Variants in RCAN2 observed in about 807,000 individuals in gnomAD.
RCAN2 encodes the protein calcipressin-2.
In RCAN2, 9 loss-of-function variants were observed where a neutral mutation model predicts 23.6. That is an observed-to-expected ratio of 0.38 (90% CI 0.23 to 0.67). RCAN2 has a LOEUF of 0.67. Ranked by LOEUF, RCAN2 falls within the 30% of genes least tolerant of loss-of-function variation. The probability of loss-of-function intolerance (pLI) is 0.51; values close to 1 mark genes in which losing one functional copy is unlikely to be tolerated. For synonymous variants in RCAN2, 109 were observed against 115.7 expected (o/e 0.94, Z 0.37); for missense variants, 273 against 302.3 (o/e 0.90, Z 0.72).
At chr6:46,224,715 G>T (rs546152433) in intron 4 of RCAN2, among the ~76,000 whole-genome samples, 1 of 152,238 alleles carries the variant, frequency 6.6e-6, no homozygotes, top group African/African-American at 2.4e-5. Context: ...CAGTGACAGG[G>T]CACTAATTAT....
rs1427227440 is a variant in RCAN2 at position 46,220,916 on chromosome 6, T to C, written c.*2225A>G. On this transcript the variant is annotated 3_prime_UTR_variant, in exon 5 of 5. Transcript: ENST00000371374. ...GCTGAGGCGATTCTGACTTTCACAG[T>C]GCTAGGAGGTTCCCTTGCAACACTT... The C allele has an allele frequency of 6.5e-6, 1 of 152,736 alleles. No individual in the cohort carries two copies. Among genetic ancestry groups the C allele is most frequent in the Non-Finnish European group, 1.5e-5 (1 of 68,040 alleles). 9.5% of individuals were successfully genotyped at this position (152,736 alleles called of 1,614,324 possible). A position where few individuals can be genotyped will look rare whatever the true frequency, so the allele number is the denominator to read the frequency against.
rs561775641 is a variant in RCAN2 at position 46,335,600 on chromosome 6, A to T, written c.226-86704T>A. ...GCAGTCTTGAGATGAGGGGGCAGGC[A>T]TCATCCTAAACCTTCCTCTTGAGGT... On this transcript the variant is annotated intron_variant, in intron 2 of 4. Transcript: ENST00000371374. 4.6e-5 allele frequency among the ~76,000 whole-genome samples: 7 copies of T among 152,318 alleles called. No individual in the cohort carries two copies. The East Asian group carries it at 1.4e-3, about 29-fold the overall frequency.
chr6:46,251,827 C>T (rs554046339), intron 2 of RCAN2, among the ~76,000 whole-genome samples: 72 of 152,230 alleles, frequency 4.7e-4, no homozygotes, highest in African/African-American at 1.5e-3. Flanking sequence ...CCAACTCCCA[C>T]CAAGTTAGAA....
intron 2 of RCAN2, among the ~76,000 whole-genome samples, chr6:46,384,081 GCCAGCAGCCTCCTATGAGGTT>G (rs1310146670): frequency 6.6e-6 from 1 of 152,172 alleles, no homozygotes; most frequent in African/African-American, 2.4e-5. Flanking sequence ...CCTTTCTGTT[GCCAGCAGCCTCCTATGAGGTT>G]CCAGGGCCCA....
chr6:46,279,827 T>C (rs750458831), intron 2 of RCAN2, among the ~76,000 whole-genome samples: 2 of 152,142 alleles, frequency 1.3e-5, no homozygotes, highest in African/African-American at 4.8e-5. Flanking sequence ...CTTCATAGGA[T>C]TGTTATGAGA....
At chr6:46,449,466 C>T (rs1287811502) in intron 2 of RCAN2, among the ~76,000 whole-genome samples, 1 of 150,830 alleles carries the variant, frequency 6.6e-6, no homozygotes, top group Non-Finnish European at 1.5e-5. Context: ...TAACAAAATT[C>T]CAATAACATT....
chr6:46,306,904 A>G (rs1763088925), intron 2 of RCAN2, among the ~76,000 whole-genome samples: 1 of 152,054 alleles, frequency 6.6e-6, no homozygotes, highest in East Asian at 1.9e-4. Flanking sequence ...TCATTTTATC[A>G]TGTCTCTCTT....
chr6:46,400,063 T>C (rs1385289365), intron 2 of RCAN2, among the ~76,000 whole-genome samples: 2 of 152,206 alleles, frequency 1.3e-5, no homozygotes, highest in African/African-American at 4.8e-5. Context: ...TGCAAATTCT[T>C]CCAGGCTCTG....
intron 2 of RCAN2, among the ~76,000 whole-genome samples, chr6:46,347,260 A>T (rs909271680): frequency 6.6e-6 from 1 of 152,222 alleles, no homozygotes; most frequent in Non-Finnish European, 1.5e-5. Context: ...CTTTCAAATT[A>T]ATCAGTCCTA....
intron 2 of RCAN2, among the ~76,000 whole-genome samples, chr6:46,430,370 A>G (rs1032929873): frequency 5.9e-5 from 9 of 152,184 alleles, no homozygotes; most frequent in South Asian, 2.1e-4. Flanking sequence ...GAATACAAGA[A>G]ATAATGGAAG....
intron 2 of RCAN2, among the ~76,000 whole-genome samples, chr6:46,439,128 C>G (rs1401885423): frequency 1.3e-5 from 2 of 152,206 alleles, no homozygotes; most frequent in African/African-American, 4.8e-5. Context: ...GGATTTTCCT[C>G]ACACTACAGA....
chr6:46,222,491 T>A lies in RCAN2; in HGVS notation c.*650A>T, dbSNP rs1011268412. ...CTTTGGGGCCAAGGTCAATTTTGCCTCCAGGAATTTCAACAGAGCTATGGT... is the reference window on the plus strand; with the variant it reads ...CTTTGGGGCCAAGGTCAATTTTGCCACCAGGAATTTCAACAGAGCTATGGT... On this transcript the variant is annotated 3_prime_UTR_variant, in exon 5 of 5. Transcript: ENST00000371374. The A allele has an allele frequency of 6.5e-6, 1 of 153,090 alleles. No homozygotes were observed. Among genetic ancestry groups the A allele is most frequent in the Admixed American group, 6.5e-5 (1 of 15,290 alleles). 9.5% of individuals were successfully genotyped at this position (153,090 alleles called of 1,614,324 possible).
chr6:46,250,466 C>T (rs538169108), intron 2 of RCAN2, among the ~76,000 whole-genome samples: 2 of 152,282 alleles, frequency 1.3e-5, no homozygotes, highest in African/African-American at 4.8e-5. Flanking sequence ...GATGGAGATG[C>T]ATGAAATATT....
chr6:46,439,978 G>C (rs1767484618), intron 2 of RCAN2, among the ~76,000 whole-genome samples: 1 of 152,278 alleles, frequency 6.6e-6, no homozygotes, highest in South Asian at 2.1e-4. Context: ...GTGGACTTCT[G>C]TTCCAAATTC....
chr6:46,458,885 A>ACGCGCGCG (rs57258359), intron 1 of RCAN2, among the ~76,000 whole-genome samples: 10 of 148,052 alleles, frequency 6.8e-5, no homozygotes, highest in African/African-American at 2.6e-4. Flanking sequence ...TTACAGGAAA[A>ACGCGCGCG]CGCGCGCGCA....
chr6:46,276,402 A>G (rs1378842953), intron 2 of RCAN2, among the ~76,000 whole-genome samples: 1 of 152,180 alleles, frequency 6.6e-6, no homozygotes. Context: ...ACCACAAGAA[A>G]CAGCAACTGT....
intron 2 of RCAN2, among the ~76,000 whole-genome samples, chr6:46,430,576 GCACT>G (rs1028316827): frequency 2.6e-4 from 40 of 152,134 alleles, no homozygotes; most frequent in African/African-American, 8.4e-4. Context: ...GAGTGAAAAT[GCACT>G]CACTTTTATA....
rs1766606665 is a variant in RCAN2 at position 46,248,723 on chromosome 6, C to T, written c.399G>A (p.Gln133=). The T allele has an allele frequency of 6.3e-7, 1 of 1,596,404 alleles. No individual in the cohort carries two copies. Among genetic ancestry groups the T allele is most frequent in the Non-Finnish European group, 8.5e-7 (1 of 1,173,228 alleles). Residue 133 remains glutamine, a splice_region_variant and synonymous_variant, in exon 3 of 5, where the codon CAG becomes CAA. Coordinates refer to ENST00000371374, the MANE Select transcript of RCAN2 (RefSeq NM_001251974.2). ...TAACTTTGGTAAACAATTACCTTACCTGTGCAAAGTAGAGCTTTAATTTTT... is the reference window on the plus strand; with the variant it reads ...TAACTTTGGTAAACAATTACCTTACTTGTGCAAAGTAGAGCTTTAATTTTT... ...RGKKLKLYFA[Q]VQTPETDGDK...
intron 1 of RCAN2, among the ~76,000 whole-genome samples, chr6:46,470,529 CT>C (rs1768530086): frequency 1.3e-5 from 2 of 152,280 alleles, no homozygotes; most frequent in South Asian, 4.2e-4. Flanking sequence ...CCATTTGTCT[CT>C]TTATATAGTT....
Sources: gnomAD v4.1 joint callset for allele counts (sites outside exome capture counted in the v4.1 genomes callset) on GRCh38, gnomAD v4.1.1 for gene constraint, MANE v1.5 for transcripts, NCBI Gene and HGNC (gene_info 2026-07-23, HGNC 2026-07-21) for gene names.